POLDIP3: variants seen among roughly 807,000 people sequenced by gnomAD.
POLDIP3 encodes polymerase delta-interacting protein 3.
POLDIP3 carries 14 observed loss-of-function variants against 45.1 expected under a neutral mutation model. The ratio of observed to expected loss-of-function variants is 0.31; its 90% confidence interval spans 0.20 to 0.49. The LOEUF (loss-of-function observed/expected upper bound fraction) is 0.49, where lower values mean the gene tolerates loss of function less well. Ranked by LOEUF, POLDIP3 falls within the 20% of genes least tolerant of loss-of-function variation. The pLI is 0.99. For synonymous variants in POLDIP3, 223 were observed against 205.2 expected (o/e 1.09, Z -0.74); for missense variants, 511 against 538.8 (o/e 0.95, Z 0.51).
intron 4 of POLDIP3, among the ~76,000 whole-genome samples, chr22:42,596,857 A>AAAAATGT (rs1353189670): frequency 1.3e-5 from 2 of 152,266 alleles, no homozygotes; most frequent in Non-Finnish European, 2.9e-5. Flanking sequence ...CATCTCTATA[A>AAAAATGT]AAAATGTAAA....
Position 42,585,974 on chromosome 22 carries a change from GAGAGC to G in POLDIP3, c.1089-11_1089-7del. 1 of 1,601,496 alleles carries G rather than the reference GAGAGC, an allele frequency of 6.2e-7. No homozygotes were observed. The highest frequency in any genetic ancestry group is 8.5e-7 in the Non-Finnish European group (1 of 1,174,104). On this transcript the variant is annotated splice_polypyrimidine_tract_variant and splice_region_variant and intron_variant, in intron 8 of 8. Coordinates refer to ENST00000252115, the MANE Select transcript of POLDIP3 (RefSeq NM_032311.5). ...ATGGGCTGTCACTCAGCCGCCTGTG[GAGAGC>G]AGAGAAGAGTCAAAAATTCTTGTCA... is the stretch of plus-strand genomic sequence containing the variant.
chr22:42,590,941 G>A (rs1377806372), intron 7 of POLDIP3, among the ~76,000 whole-genome samples: 1 of 152,096 alleles, frequency 6.6e-6, no homozygotes, highest in Non-Finnish European at 1.5e-5. Flanking sequence ...GGGCTTGGTG[G>A]CGTGCACCTG....
At position 42,585,934 on chromosome 22, in the gene POLDIP3, TCTC is replaced by T. The variant is rs1569293909; in HGVS notation, c.1120_1122del (p.Glu374del). 2 of 1,613,144 alleles carry T rather than the reference TCTC, an allele frequency of 1.2e-6. No individual in the cohort carries two copies. The highest frequency in any genetic ancestry group is 3.3e-5 in the Admixed American group (2 of 59,912). ...GAGTTCACCCTGCGAGGCAGCTCGCTCTCCTTTTTCATTGATGGGCTGTCACTC... is the reference window on the plus strand; with the variant it reads ...GAGTTCACCCTGCGAGGCAGCTCGCTCTTTTTCATTGATGGGCTGTCACTC... On this transcript the variant is annotated inframe_deletion, in exon 9 of 9. Coordinates refer to ENST00000252115, the MANE Select transcript of POLDIP3 (RefSeq NM_032311.5).
rs1209533511 is a variant in POLDIP3 at position 42,596,282 on chromosome 22, A to T, written c.717T>A (p.Pro239=). The change falls in exon 5 of 9, where the codon CCT becomes CCA. Residue 239 remains proline, a synonymous_variant. Coordinates refer to ENST00000252115, the MANE Select transcript of POLDIP3 (RefSeq NM_032311.5). ...TTGTTCGAATAGAGGAAGGGAGAGC[A>T]GGAGCTGTGTATGCATCATTCTGAA... The part of the protein sequence containing the change: ...KVVQNDAYTA[P]ALPSSIRTKA... 1.1e-5 allele frequency: 18 copies of T among 1,614,042 alleles called. No homozygotes were observed. Among genetic ancestry groups the T allele is most frequent in the Non-Finnish European group, 1.4e-5 (17 of 1,179,972 alleles).
rs1926482217 is a variant in POLDIP3, at chr22:42,602,839, G to A, written c.381C>T (p.Ser127=). Reference sequence around the variant, plus strand: ...TGGGTGGGTTTATGAAGGCAGCAGGGGAACTCCTCTTCAAGCTGATCTTCT... The same window carrying A: ...TGGGTGGGTTTATGAAGGCAGCAGGAGAACTCCTCTTCAAGCTGATCTTCT... The part of the protein sequence containing the change: ...AREKISLKRS[S]PAAFINPPIG... The change falls in exon 2 of 9, where the codon TCC becomes TCT. Residue 127 remains serine (S), a synonymous_variant. Coordinates refer to ENST00000252115, the MANE Select transcript of POLDIP3 (RefSeq NM_032311.5). 6.2e-7 allele frequency: 1 copy of A among 1,612,746 alleles called. No homozygotes were observed. The highest frequency in any genetic ancestry group is 8.5e-7 in the Non-Finnish European group (1 of 1,180,026).
intron 1 of POLDIP3, among the ~76,000 whole-genome samples, chr22:42,607,906 G>A (rs1026046221): frequency 4.0e-5 from 6 of 150,746 alleles, no homozygotes; most frequent in Non-Finnish European, 5.9e-5. Flanking sequence ...GAGCGTCTCC[G>A]CCCGGCAGCC....
Position 42,585,182 on chromosome 22 carries a change from C to G in POLDIP3, c.*609G>C, listed in dbSNP as rs775474368. The G allele has an allele frequency of 4.1e-6, 2 of 488,484 alleles. No homozygotes were observed. The highest frequency in any genetic ancestry group is 8.1e-6 in the Non-Finnish European group (2 of 245,568). The allele number at this position is 488,484 out of a possible 1,614,324, so 30.3% of individuals were successfully genotyped here. A position where few individuals can be genotyped will look rare whatever the true frequency, so the allele number is the denominator to read the frequency against. On this transcript the variant is annotated 3_prime_UTR_variant, in exon 9 of 9. Coordinates refer to ENST00000252115, the MANE Select transcript of POLDIP3 (RefSeq NM_032311.5). ...AAGAGCTTAGATAGACTCTTCCCAGCGGTGCAGCCTCATCCTGCCCTTGCC... is the reference window on the plus strand; with the variant it reads ...AAGAGCTTAGATAGACTCTTCCCAGGGGTGCAGCCTCATCCTGCCCTTGCC...
chr22:42,610,127 T>C (rs1438928531), intron 1 of POLDIP3, among the ~76,000 whole-genome samples: 2 of 152,024 alleles, frequency 1.3e-5, no homozygotes, highest in Non-Finnish European at 2.9e-5. Flanking sequence ...TGAGCTGAGA[T>C]CGCGCCATTG....
rs113566870 is a variant in POLDIP3 at position 42,585,822 on chromosome 22, G to C, written c.1235C>G (p.Thr412Arg). ...CTTGATTTTGAATTCTGTGGGCTGC[G>C]TGGTCACAGAGGCCCCTGAGGACTT... ...LFKSSGASVT[T>R]QPTEFKIKL The change falls in exon 9 of 9, where the codon ACG becomes AGG. Residue 412 changes from threonine to arginine, a missense_variant. By Grantham distance (71) the Thr-to-Arg change is moderately conservative. Coordinates refer to ENST00000252115, the MANE Select transcript of POLDIP3 (RefSeq NM_032311.5). The C allele has an allele frequency of 4.3e-5, 69 of 1,612,596 alleles. No individual in the cohort carries two copies. In the African/African-American group the frequency reaches 7.6e-4, roughly 18 times the overall value.
intron 6 of POLDIP3, among the ~76,000 whole-genome samples, chr22:42,593,106 T>A (rs568273496): frequency 6.6e-6 from 1 of 152,246 alleles, no homozygotes; most frequent in African/African-American, 2.4e-5. Flanking sequence ...TCATCCACTA[T>A]ACTTTAAATC....
chr22:42,589,711 G>C (rs1282819624), intron 7 of POLDIP3, among the ~76,000 whole-genome samples: 1 of 151,968 alleles, frequency 6.6e-6, no homozygotes, highest in Non-Finnish European at 1.5e-5. Context: ...GGGCGTGACA[G>C]TGGGCACCTG....
At position 42,599,599 on chromosome 22, in the gene POLDIP3, TGTC is replaced by T. The variant is rs1926219411; in HGVS notation, c.633+96_633+98del. On this transcript the variant is annotated intron_variant, in intron 4 of 8. Coordinates refer to ENST00000252115, the MANE Select transcript of POLDIP3 (RefSeq NM_032311.5). ...AGCAGCCTGGGGGAGAAGAGCGAGA[TGTC>T]GTCTCAAAACAAAAAAAACAACAGG... The T allele has an allele frequency of 4.4e-5, 39 of 880,334 alleles. No individual in the cohort carries two copies. In the South Asian group the frequency reaches 5.2e-4, roughly 12 times the overall value. The allele number at this position is 880,334 out of a possible 1,614,324, so 54.5% of individuals were successfully genotyped here.
intron 6 of POLDIP3, among the ~76,000 whole-genome samples, chr22:42,593,733 G>A (rs1255137180): frequency 6.6e-6 from 1 of 152,134 alleles, no homozygotes; most frequent in Non-Finnish European, 1.5e-5. Flanking sequence ...TGGCCAGGCT[G>A]GTCTCGAACT....
intron 8 of POLDIP3, among the ~76,000 whole-genome samples, chr22:42,586,929 A>G (rs945176056): frequency 2.0e-5 from 3 of 152,154 alleles, no homozygotes; most frequent in Non-Finnish European, 4.4e-5. Context: ...AAAGCCTTCA[A>G]TGGCTTCCCA....
intron 1 of POLDIP3, among the ~76,000 whole-genome samples, chr22:42,614,345 T>A (rs1927326126): frequency 6.6e-6 from 1 of 152,204 alleles, no homozygotes; most frequent in Admixed American, 6.5e-5. Context: ...GGATTTGGGC[T>A]TGCGCCTCAG....
At chr22:42,599,406 C>T (rs960463741) in intron 4 of POLDIP3, among the ~76,000 whole-genome samples, 1 of 152,228 alleles carries the variant, frequency 6.6e-6, no homozygotes, top group African/African-American at 2.4e-5. Flanking sequence ...GAGTTTGAGA[C>T]CAGCCTGGCC....
chr22:42,614,753 A>G, intron 1 of POLDIP3, 46 bp downstream of exon 1: 2 of 1,603,914 alleles, frequency 1.2e-6, no homozygotes, highest in Middle Eastern at 1.7e-4. Context: ...CTCGAGCTCC[A>G]CTAGGCCGAG....
rs1925154809 is a variant in POLDIP3 at position 42,584,271 on chromosome 22, G to GC, written c.*1519dup. On this transcript the variant is annotated 3_prime_UTR_variant, in exon 9 of 9. Coordinates refer to ENST00000252115, the MANE Select transcript of POLDIP3 (RefSeq NM_032311.5). ...AAAAAGCAGCATTCTTTAAAGAACT[G>GC]CAAGTGGAGCACCACCAGGCCCCTT... 6.5e-6 allele frequency: 1 copy of GC among 153,980 alleles called. No homozygotes were observed. The highest frequency in any genetic ancestry group is 1.4e-5 in the Non-Finnish European group (1 of 69,018). 9.5% of individuals were successfully genotyped at this position (153,980 alleles called of 1,614,324 possible). A position where few individuals can be genotyped will look rare whatever the true frequency, so the allele number is the denominator to read the frequency against.
Position 42,602,932 on chromosome 22 carries a change from C to G in POLDIP3, c.288G>C (p.Glu96Asp), listed in dbSNP as rs967277452. Reference protein sequence around the residue: ...RIKGKVQDAREMLNSRKQQTT... With the variant: ...RIKGKVQDARDMLNSRKQQTT... ...TCTGCTGCTTGCGAGAGTTCAACAT[C>G]TCTCTGGCATCCTGCACTTTCCCTT... Residue 96 changes from glutamate (E) to aspartate (D), a missense_variant, in exon 2 of 9, where the codon GAG (glutamate) becomes GAC (aspartate). Coordinates refer to ENST00000252115, the MANE Select transcript of POLDIP3 (RefSeq NM_032311.5). The G allele has an allele frequency of 1.9e-6, 3 of 1,614,034 alleles. No individual in the cohort carries two copies. The African/African-American group carries it at 4.0e-5, about 22-fold the overall frequency.
Sources: allele counts gnomAD v4.1 joint callset (sites outside exome capture counted in the v4.1 genomes callset), GRCh38; gene constraint gnomAD v4.1.1; transcripts MANE v1.5; gene names NCBI Gene and HGNC (gene_info 2026-07-23, HGNC 2026-07-21).